RNF217: variants seen among roughly 807,000 people sequenced by gnomAD.
RNF217 encodes the protein E3 ubiquitin-protein ligase RNF217.
RNF217 carries 31 observed loss-of-function variants against 57.8 expected under a neutral mutation model. The ratio of observed to expected loss-of-function variants is 0.54; its 90% confidence interval spans 0.40 to 0.72. The LOEUF (loss-of-function observed/expected upper bound fraction) is 0.72, where lower values mean the gene tolerates loss of function less well. Among genes scored for constraint, RNF217 ranks in the 30% least tolerant of loss-of-function variants. The pLI is 0.00. For synonymous variants in RNF217, 313 were observed against 294.0 expected (o/e 1.06, Z -0.66); for missense variants, 696 against 708.3 (o/e 0.98, Z 0.20).
chr6:125,059,374 A>G (rs1054894480), intron 3 of RNF217, among the ~76,000 whole-genome samples: 2 of 152,180 alleles, frequency 1.3e-5, no homozygotes, highest in African/African-American at 4.8e-5. Flanking sequence ...ATTCCATTAA[A>G]GAACAACTAG....
chr6:125,035,376 G>A (rs1397832444), intron 1 of RNF217, among the ~76,000 whole-genome samples: 1 of 152,172 alleles, frequency 6.6e-6, no homozygotes, highest in Non-Finnish European at 1.5e-5. Flanking sequence ...CTACAAGCCA[G>A]AAGAGAGTGG....
intron 1 of RNF217, among the ~76,000 whole-genome samples, chr6:125,013,898 A>T (rs1785511668): frequency 6.6e-6 from 1 of 152,220 alleles, no homozygotes; most frequent in South Asian, 2.1e-4. Context: ...CTTATTTATT[A>T]ATTTATGAAA....
intron 3 of RNF217, among the ~76,000 whole-genome samples, chr6:125,074,710 T>A (rs1170859696): frequency 6.6e-6 from 1 of 152,148 alleles, no homozygotes; most frequent in African/African-American, 2.4e-5. Context: ...CCAGTTTTTT[T>A]AATGCAGTTA....
chr6:125,082,248 T>C (rs1322634), intron 5 of RNF217, among the ~76,000 whole-genome samples: 68,676 of 151,944 alleles, frequency 0.45, 16,036 homozygotes, highest in Middle Eastern at 0.53. Flanking sequence ...AGCTAAATGC[T>C]ATAGATAAAG....
intron 1 of RNF217, among the ~76,000 whole-genome samples, chr6:125,037,738 G>A (rs1485410550): frequency 6.6e-6 from 1 of 152,074 alleles, no homozygotes; most frequent in Admixed American, 6.6e-5. Flanking sequence ...GCTTGTAGTA[G>A]ATCTATGTAT....
chr6:124,995,074 A>ATATT (rs1784698217), intron 1 of RNF217, among the ~76,000 whole-genome samples: 1 of 152,270 alleles, frequency 6.6e-6, no homozygotes, highest in East Asian at 1.9e-4. Flanking sequence ...ATTGTTGACT[A>ATATT]TATTTGTACC....
chr6:124,988,972 C>G (rs1481943817), intron 1 of RNF217, among the ~76,000 whole-genome samples: 6 of 152,058 alleles, frequency 3.9e-5, no homozygotes, highest in Non-Finnish European at 8.8e-5. Context: ...TTTTGCAGCT[C>G]TTTGAACAGG....
At chr6:125,048,594 T>A (rs897415900) in intron 2 of RNF217, among the ~76,000 whole-genome samples, 1 of 152,072 alleles carries the variant, frequency 6.6e-6, no homozygotes, top group Non-Finnish European at 1.5e-5. Context: ...TGAACATTTA[T>A]TATGGCTTTT....
intron 1 of RNF217, among the ~76,000 whole-genome samples, chr6:125,013,374 TGTG>T (rs1785486715): frequency 1.3e-5 from 2 of 151,416 alleles, no homozygotes; most frequent in Non-Finnish European, 2.9e-5. Context: ...TGTGTGTGTG[TGTG>T]TGTGTGTGTG....
At chr6:124,985,803 C>A (rs149458016) in intron 1 of RNF217, among the ~76,000 whole-genome samples, 1 of 152,066 alleles carries the variant, frequency 6.6e-6, no homozygotes, top group Non-Finnish European at 1.5e-5. Context: ...TAAGGTTGTA[C>A]TTTTTATATA....
In RNF217 at chr6:124,962,959, G is replaced by A; in HGVS notation, c.415G>A (p.Val139Met). 4 of 1,597,380 alleles carry A rather than the reference G, an allele frequency of 2.5e-6. No individual in the cohort carries two copies. Among genetic ancestry groups the A allele is most frequent in the Non-Finnish European group, 3.4e-6 (4 of 1,179,436 alleles). The change falls in exon 1 of 6, where the codon GTG becomes ATG. Residue 139 changes from valine (V) to methionine (M), a missense_variant. Around this residue, in one of 2 missense-constraint regions of RNF217, gnomAD observed 465 missense variants for 386.8 expected, o/e 1.20. Transcript: ENST00000521654. This position sits in a 1 kb window ranked among gnomAD's most constrained non-coding sequence, Gnocchi z 4.6. The stretch of plus-strand genomic sequence containing the variant: ...CGAAGAGCTGGAGCCCAGGACCCGC[G>A]TGGGGGCCGCCGACGGACTGGTCCT... ...PGEELEPRTR[V>M]GAADGLVLDV...
chr6:125,053,262 C>A (rs1235436342), intron 2 of RNF217, among the ~76,000 whole-genome samples: 1 of 152,088 alleles, frequency 6.6e-6, no homozygotes, highest in East Asian at 1.9e-4. Context: ...ATCTGTCAGA[C>A]CCCAGTAAGT....
intron 5 of RNF217, among the ~76,000 whole-genome samples, chr6:125,081,989 T>C (rs980343145): frequency 1.3e-5 from 2 of 152,044 alleles, no homozygotes; most frequent in African/African-American, 2.4e-5. Context: ...AACCTTGCAG[T>C]GATTTGCATA....
At chr6:124,996,697 G>T (rs972137574) in intron 1 of RNF217, 3 of 152,116 alleles carry the variant, frequency 2.0e-5, no homozygotes. Flanking sequence ...TATAAAGTTA[G>T]ATGCAAAAGT....
Position 124,962,702 on chromosome 6 carries a change from G to A in RNF217, c.158G>A (p.Gly53Asp). 1.4e-6 allele frequency: 2 copies of A among 1,407,498 alleles called. No homozygotes were observed. The highest frequency in any genetic ancestry group is 1.6e-5 in the South Asian group (1 of 63,472). The allele number at this position is 1,407,498 out of a possible 1,614,324, so 87.2% of individuals were successfully genotyped here. A position where few individuals can be genotyped will look rare whatever the true frequency, so the allele number is the denominator to read the frequency against. ...GCCGCCTCCGCGGAGCCGAGCGGCGGTGGCTGCGGAAGCGACTGGGGCTGC... is the reference window on the plus strand; with the variant it reads ...GCCGCCTCCGCGGAGCCGAGCGGCGATGGCTGCGGAAGCGACTGGGGCTGC... ...LRAASAEPSG[G>D]GCGSDWGCAD... Residue 53 changes from glycine (G) to aspartate (D), a missense_variant, in exon 1 of 6, where the codon GGT (glycine) becomes GAT (aspartate). Around this residue, in one of 2 missense-constraint regions of RNF217, gnomAD observed 465 missense variants for 386.8 expected, o/e 1.20. Coordinates refer to ENST00000521654, the MANE Select transcript of RNF217 (RefSeq NM_001286398.3). The surrounding 1 kb of genome is among the most constrained non-coding windows in gnomAD (Gnocchi z 4.6).
Position 124,963,232 on chromosome 6 carries a change from G to A in RNF217, c.688G>A (p.Ala230Thr), listed in dbSNP as rs550126432. The change falls in exon 1 of 6, where the codon GCG (alanine) becomes ACG (threonine). Residue 230 changes from alanine (A) to threonine (T), a missense_variant. Transcript: ENST00000521654. ...GGSIELEFYL[A>T]PEPFSMPSLL... Reference sequence around the variant, plus strand: ...CAGCATCGAGCTGGAGTTCTACCTGGCGCCCGAGCCGTTCTCCATGCCCAG... The same window carrying A: ...CAGCATCGAGCTGGAGTTCTACCTGACGCCCGAGCCGTTCTCCATGCCCAG... The A allele has an allele frequency of 3.6e-5, 56 of 1,536,040 alleles. No homozygotes were observed. In the Admixed American group the frequency reaches 8.0e-4, roughly 22 times the overall value.
intron 1 of RNF217, among the ~76,000 whole-genome samples, chr6:125,039,514 C>G (rs951424355): frequency 1.3e-5 from 2 of 152,076 alleles, no homozygotes; most frequent in Non-Finnish European, 2.9e-5. Flanking sequence ...GACTTTAACA[C>G]CACATTTTCA....
At chr6:125,011,976 C>T (rs1357537531) in intron 1 of RNF217, among the ~76,000 whole-genome samples, 5 of 151,996 alleles carry the variant, frequency 3.3e-5, no homozygotes, top group Non-Finnish European at 7.4e-5. Flanking sequence ...CCAGATGCAT[C>T]TTTAAAATCA....
chr6:125,088,301 G>T lies in RNF217; in HGVS notation c.*5364G>T, dbSNP rs542909973. Reference sequence around the variant, plus strand: ...TAAGATTGTGAAATGTTACCTTTTGGATGCAAACCAATGATACAAATCTTT... The same window carrying T: ...TAAGATTGTGAAATGTTACCTTTTGTATGCAAACCAATGATACAAATCTTT... On this transcript the variant is annotated 3_prime_UTR_variant, in exon 6 of 6. Transcript: ENST00000521654. The T allele has an allele frequency of 6.6e-6, 1 of 152,026 alleles. No homozygotes were observed. The highest frequency in any genetic ancestry group is 2.4e-5 in the African/African-American group (1 of 41,388). The allele number at this position is 152,026 out of a possible 1,614,324, so 9.4% of individuals were successfully genotyped here.
Sources: gnomAD v4.1 joint callset for allele counts (sites outside exome capture counted in the v4.1 genomes callset) on GRCh38, gnomAD v4.1.1 for gene constraint, gnomAD v4.1.1 regional missense constraint, Gnocchi (gnomAD v3.1) non-coding constraint, MANE v1.5 for transcripts, NCBI Gene and HGNC (gene_info 2026-07-23, HGNC 2026-07-21) for gene names.